Variants in MPDZ observed in about 807,000 individuals in gnomAD.
The protein encoded by MPDZ is multiple PDZ domain protein.
MPDZ carries 234 observed loss-of-function variants against 239.1 expected under a neutral mutation model. The observed-to-expected ratio is 0.98, with a 90% CI of 0.88 to 1.09. MPDZ has a LOEUF of 1.09. Among genes scored for constraint, MPDZ ranks in the 50% least tolerant of loss-of-function variants. The pLI, the probability that MPDZ is intolerant of heterozygous loss-of-function variation, is 0.00. For missense variants in MPDZ, 3,175 were observed against 2,510.0 expected, an observed-to-expected ratio of 1.26 and a Z score of -5.66; for synonymous variants, 1,048 against 881.3, an observed-to-expected ratio of 1.19 and a Z score of -3.35.
rs1169558940 is a variant in MPDZ, at chr9:13,160,868, AT to A, written c.3359+1822del. 1.0e-3 allele frequency among the ~76,000 whole-genome samples: 135 copies of A among 131,992 alleles called. 1 individual carries two copies. Among genetic ancestry groups the A allele is most frequent in the Middle Eastern group, 3.8e-3 (1 of 266 alleles). The allele number at this position is 131,992 out of a possible 152,430, so 86.6% of individuals were successfully genotyped here. A position where few individuals can be genotyped will look rare whatever the true frequency, so the allele number is the denominator to read the frequency against. On this transcript the variant is annotated intron_variant, in intron 23 of 46. Transcript: ENST00000319217. ...TATATATATATATATATATATATAT[AT>A]AAAACAGGTACTTACATAGCTTTTA...
rs1201619940 is a variant in MPDZ, at chr9:13,171,036, A to G, written c.3056-2472T>C. On this transcript the variant is annotated intron_variant, in intron 21 of 46. Transcript: ENST00000319217. The stretch of plus-strand genomic sequence containing the variant: ...ACTGGTTACAAACCTGAATTCCACC[A>G]CTTCCAATCAGCACAAGCTTGCAAC... Among the ~76,000 whole-genome samples the G allele has an allele frequency of 2.0e-5, 3 of 152,146 alleles. No individual in the cohort carries two copies. In the East Asian group the frequency reaches 5.8e-4, roughly 29 times the overall value.
chr9:13,247,850 G>GT (rs1966849618), intron 2 of MPDZ, 49 bp from the exon 3 acceptor site: 2 of 1,524,880 alleles, frequency 1.3e-6, no homozygotes, highest in Non-Finnish European at 1.8e-6. Context: ...AAGGACACAT[G>GT]TCCAGCCTAA....
chr9:13,228,290 T>G, intron 3 of MPDZ, among the ~76,000 whole-genome samples: 1 of 152,210 alleles, frequency 6.6e-6, no homozygotes, highest in East Asian at 1.9e-4. Context: ...ATATATTAAT[T>G]TATGGATTTT....
intron 23 of MPDZ, among the ~76,000 whole-genome samples, chr9:13,159,923 C>G (rs1758682538): frequency 2.0e-5 from 3 of 152,160 alleles, no homozygotes; most frequent in Admixed American, 1.3e-4. Flanking sequence ...AGTCAATCAA[C>G]TGCTTTTCCA....
intron 1 of MPDZ, among the ~76,000 whole-genome samples, chr9:13,252,443 A>C (rs1242926219): frequency 1.3e-5 from 2 of 151,430 alleles, no homozygotes; most frequent in African/African-American, 4.9e-5. Context: ...GAACCAGCCT[A>C]TAATCCCAGC....
chr9:13,243,975 G>C (rs1473607877), intron 3 of MPDZ, among the ~76,000 whole-genome samples: 2 of 152,170 alleles, frequency 1.3e-5, no homozygotes, highest in African/African-American at 4.8e-5. Context: ...TGCAGCCTGA[G>C]TCATCTACAT....
At chr9:13,256,865 G>C (rs916030533) in intron 1 of MPDZ, among the ~76,000 whole-genome samples, 2 of 152,144 alleles carry the variant, frequency 1.3e-5, no homozygotes, top group Admixed American at 1.3e-4. Context: ...GCTTGACACA[G>C]AGTTGCCATA....
chr9:13,275,780 C>A (rs764508941), intron 1 of MPDZ, among the ~76,000 whole-genome samples: 16 of 152,130 alleles, frequency 1.1e-4, no homozygotes, highest in Non-Finnish European at 2.1e-4. Flanking sequence ...CCTATCCAAC[C>A]TTTTCCCCTG....
At chr9:13,183,771 C>G (rs918658730) in intron 18 of MPDZ, among the ~76,000 whole-genome samples, 186 bp from the exon 19 acceptor site, 1 of 151,958 alleles carries the variant, frequency 6.6e-6, no homozygotes, top group African/African-American at 2.4e-5. Context: ...CCACCTACAG[C>G]AGAAAGTGCT....
intron 46 of MPDZ, among the ~76,000 whole-genome samples, chr9:13,108,134 T>A (rs1941798690): frequency 6.6e-6 from 1 of 152,180 alleles, no homozygotes; most frequent in Non-Finnish European, 1.5e-5. Flanking sequence ...CTGTATCAAA[T>A]TTTTAAACAC....
intron 32 of MPDZ, among the ~76,000 whole-genome samples, chr9:13,128,591 A>G (rs1473049316): frequency 2.0e-5 from 3 of 152,172 alleles, no homozygotes; most frequent in Admixed American, 6.5e-5. Context: ...TTAAGTTGTG[A>G]AGTTTGGTGG....
intron 13 of MPDZ, among the ~76,000 whole-genome samples, chr9:13,193,591 T>C (rs1424709544): frequency 2.6e-5 from 4 of 152,072 alleles, no homozygotes; most frequent in Admixed American, 2.0e-4. Flanking sequence ...ATTTCTCTCT[T>C]GTTTCCCAAG....
At chr9:13,224,679 C>A in intron 3 of MPDZ, 96 bp from the exon 4 acceptor site, 1 of 805,306 alleles carries the variant, frequency 1.2e-6, no homozygotes, top group South Asian at 2.1e-5. Context: ...AATGAAATTT[C>A]AAAATGTCCA....
In MPDZ at chr9:13,125,201, G is replaced by C; in HGVS notation, c.4807+15C>G. The C allele has an allele frequency of 6.4e-7, 1 of 1,572,750 alleles. No homozygotes were observed. Among genetic ancestry groups the C allele is most frequent in the Non-Finnish European group, 8.6e-7 (1 of 1,157,330 alleles). On this transcript the variant is annotated intron_variant, in intron 35 of 46. Transcript: ENST00000319217. ...TTCCATATGTGCAGGACTCTCATGAGTCCAGAGGCCTTACTTCGGATGGAC... is the reference window on the plus strand; with the variant it reads ...TTCCATATGTGCAGGACTCTCATGACTCCAGAGGCCTTACTTCGGATGGAC...
chr9:13,274,428 A>G (rs1973701209), intron 1 of MPDZ: 1 of 152,106 alleles, frequency 6.6e-6, no homozygotes, highest in Non-Finnish European at 1.5e-5. Flanking sequence ...ATAAAACTAA[A>G]AAGTGGATAA....
intron 19 of MPDZ, among the ~76,000 whole-genome samples, chr9:13,178,422 G>C (rs1360531334): frequency 1.3e-5 from 2 of 152,066 alleles, no homozygotes; most frequent in Non-Finnish European, 2.9e-5. Context: ...GTGTGTTCCT[G>C]ACAATTATCA....
chr9:13,134,020 C>T (rs1182359677), intron 31 of MPDZ, 116 bp from the exon 32 acceptor site: 1 of 368,024 alleles, frequency 2.7e-6, no homozygotes, highest in Non-Finnish European at 4.8e-6. Flanking sequence ...AATTATTTTA[C>T]ATTTATTTAT....
chr9:13,217,376 C>T, intron 8 of MPDZ, 82 bp from the exon 9 acceptor site: 1 of 918,752 alleles, frequency 1.1e-6, no homozygotes, highest in South Asian at 1.7e-5. Context: ...AACAAAAAAA[C>T]CATGATAAAA....
intron 1 of MPDZ, among the ~76,000 whole-genome samples, chr9:13,269,028 T>C (rs911685810): frequency 6.6e-6 from 1 of 151,544 alleles, no homozygotes; most frequent in Admixed American, 6.6e-5. Context: ...AAAAACCTCA[T>C]AGAAAAAGAT....
Sources: gnomAD v4.1 joint callset for allele counts (sites outside exome capture counted in the v4.1 genomes callset) on GRCh38, gnomAD v4.1.1 for gene constraint, MANE v1.5 for transcripts, NCBI Gene and HGNC (gene_info 2026-07-23, HGNC 2026-07-21) for gene names.